Variants in TMPRSS2 observed in about 807,000 individuals in gnomAD.
TMPRSS2 encodes the protein transmembrane protease serine 2.
TMPRSS2 carries 59 observed loss-of-function variants against 67.4 expected under a neutral mutation model. The ratio of observed to expected loss-of-function variants is 0.88; its 90% confidence interval spans 0.71 to 1.09. The LOEUF (loss-of-function observed/expected upper bound fraction) is 1.09. Among genes scored for constraint, TMPRSS2 ranks in the 50% least tolerant of loss-of-function variants. The probability of loss-of-function intolerance (pLI) is 0.00; values close to 1 mark genes in which losing one functional copy is unlikely to be tolerated. For missense variants in TMPRSS2, 668 were observed against 642.7 expected, an observed-to-expected ratio of 1.04 and a Z score of -0.43; for synonymous variants, 257 against 257.0, an observed-to-expected ratio of 1.00 and a Z score of 0.00.
At chr21:41,486,706 G>A (rs1368316975) in intron 5 of TMPRSS2, 1 of 152,206 alleles carries the variant, frequency 6.6e-6, no homozygotes, top group South Asian at 2.1e-4. Flanking sequence ...CAGCTGGCAG[G>A]AGGGGGATGA....
chr21:41,472,078 A>G, intron 9 of TMPRSS2, 97 bp from the exon 10 acceptor site: 1 of 1,280,618 alleles, frequency 7.8e-7, no homozygotes, highest in East Asian at 2.4e-5. Flanking sequence ...AGACACCCAG[A>G]GGCAGGATGG....
chr21:41,473,060 G>A (rs561789442), intron 9 of TMPRSS2, among the ~76,000 whole-genome samples: 1 of 152,294 alleles, frequency 6.6e-6, no homozygotes, highest in East Asian at 1.9e-4. Context: ...ACAGTGGCTG[G>A]AAGGAACGCT....
intron 3 of TMPRSS2, among the ~76,000 whole-genome samples, chr21:41,490,720 C>T (rs903703393): frequency 1.3e-5 from 2 of 152,248 alleles, no homozygotes; most frequent in African/African-American, 4.8e-5. Flanking sequence ...AGAGGCATGG[C>T]AGAGTCAGAC....
chr21:41,476,664 T>C, intron 7 of TMPRSS2, 44 bp from the exon 8 acceptor site: 1 of 1,535,810 alleles, frequency 6.5e-7, no homozygotes, highest in Non-Finnish European at 9.0e-7. Flanking sequence ...TAGTGCGGAG[T>C]CACCTGCCTC....
Position 41,488,473 on chromosome 21 carries a change from G to A in TMPRSS2, c.366C>T (p.Ser122=), listed in dbSNP as rs781749195. The A allele has an allele frequency of 1.4e-5, 23 of 1,613,924 alleles. No homozygotes were observed. Among genetic ancestry groups the A allele is most frequent in the Non-Finnish European group, 1.7e-5 (20 of 1,179,892 alleles). Reference sequence around the variant, plus strand: ...TAGAGGGGTTGATGCAGGTACCTGAGGAGTCGCACTCTATCCCAGAGTTGG... The same window carrying A: ...TAGAGGGGTTGATGCAGGTACCTGAAGAGTCGCACTCTATCCCAGAGTTGG... ...KCSNSGIECD[S]SGTCINPSNW... The change falls in exon 5 of 14, where the codon TCC becomes TCT. Residue 122 remains serine, a synonymous_variant. Coordinates refer to ENST00000332149, the MANE Select transcript of TMPRSS2 (RefSeq NM_005656.4).
intron 2 of TMPRSS2, among the ~76,000 whole-genome samples, chr21:41,496,283 T>G (rs1452100930): frequency 6.6e-6 from 1 of 152,212 alleles, no homozygotes; most frequent in African/African-American, 2.4e-5. Flanking sequence ...AGTCTCTGTG[T>G]TATCCTGCAA....
intron 1 of TMPRSS2, among the ~76,000 whole-genome samples, chr21:41,504,801 G>C (rs1316570836): frequency 1.3e-5 from 2 of 152,092 alleles, no homozygotes; most frequent in Non-Finnish European, 2.9e-5. Context: ...GGCCAGGAGG[G>C]GCCCCACAAA....
chr21:41,505,012 C>T lies in TMPRSS2; in HGVS notation c.-57+3069G>A, dbSNP rs1048711302. ...GTGCAGAGCAGGAGGGACCAGAGAG[C>T]AGAAATGCACCTGGGCCTTCAATGC... On this transcript the variant is annotated intron_variant, in intron 1 of 13. Transcript: ENST00000332149. Among the ~76,000 whole-genome samples the T allele has an allele frequency of 6.6e-5, 10 of 151,842 alleles. No homozygotes were observed. The South Asian group carries it at 1.2e-3, about 19-fold the overall frequency.
At chr21:41,480,382 A>AATTGTCCCC (rs2091247541) in intron 6 of TMPRSS2, 94 bp downstream of exon 6, 2 of 1,552,520 alleles carry the variant, frequency 1.3e-6, no homozygotes, top group Non-Finnish European at 1.7e-6. Context: ...CCCAGCACTC[A>AATTGTCCCC]TGTGCCGGTG....
chr21:41,497,997 C>T (rs2146494342), intron 2 of TMPRSS2, 122 bp downstream of exon 2: 1 of 717,814 alleles, frequency 1.4e-6, no homozygotes, highest in Non-Finnish European at 2.4e-6. Context: ...TGAACAGCAT[C>T]AGCGTGGCCC....
In TMPRSS2 at chr21:41,478,812, G is replaced by C. The variant is rs543171759; in HGVS notation, c.683+360C>G. ...CCGGTCACCCTGGCTGGGACACTGAGACATTATCTTGGATTCCTAGAACCA... is the reference window on the plus strand; with the variant it reads ...CCGGTCACCCTGGCTGGGACACTGACACATTATCTTGGATTCCTAGAACCA... On this transcript the variant is annotated intron_variant, in intron 7 of 13. Coordinates refer to ENST00000332149, the MANE Select transcript of TMPRSS2 (RefSeq NM_005656.4). This position sits in a 1 kb window ranked among gnomAD's most constrained non-coding sequence, Gnocchi z 4.0. Among the ~76,000 whole-genome samples, 5 of 152,342 alleles carry C rather than the reference G, an allele frequency of 3.3e-5. No individual in the cohort carries two copies. The highest frequency in any genetic ancestry group is 1.2e-4 in the African/African-American group (5 of 41,580).
intron 1 of TMPRSS2, chr21:41,502,622 C>G (rs1483777916): frequency 2.0e-6 from 2 of 981,388 alleles, no homozygotes; most frequent in South Asian, 9.4e-5. Flanking sequence ...ATGTTCTATC[C>G]TCCTAAGGAT....
intron 1 of TMPRSS2, 48 bp downstream of exon 1, chr21:41,508,033 T>G: frequency 1.5e-6 from 2 of 1,310,020 alleles, no homozygotes; most frequent in South Asian, 4.2e-5. Context: ...CAGGTTCCCC[T>G]CCCCAGCCCG....
rs763475763 is a variant in TMPRSS2 at position 41,470,768 on chromosome 21, T to A, written c.1076-25A>T. On this transcript the variant is annotated intron_variant, in intron 10 of 13. Transcript: ENST00000332149. Reference sequence around the variant, plus strand: ...TCTGTTTCAAGAAGAGAAAACACAGTGAGCCAGGCGGGTATCACCTATGTC... The same window carrying A: ...TCTGTTTCAAGAAGAGAAAACACAGAGAGCCAGGCGGGTATCACCTATGTC... 3.1e-6 allele frequency: 5 copies of A among 1,610,926 alleles called. No homozygotes were observed. The Admixed American group carries it at 8.3e-5, about 27-fold the overall frequency.
At chr21:41,467,983 A>G (rs2091098866) in intron 12 of TMPRSS2, 97 bp from the exon 13 acceptor site, 2 of 1,385,642 alleles carry the variant, frequency 1.4e-6, no homozygotes, top group Admixed American at 1.8e-5. Flanking sequence ...CGGGGGTCGC[A>G]GTGTGAGTTA....
chr21:41,503,357 G>C (rs978694506), intron 1 of TMPRSS2, among the ~76,000 whole-genome samples: 1 of 152,200 alleles, frequency 6.6e-6, no homozygotes, highest in Non-Finnish European at 1.5e-5. Context: ...ACTGGCTGAG[G>C]CTTAAAGAAC....
At chr21:41,483,759 G>A (rs2091274919) in intron 5 of TMPRSS2, among the ~76,000 whole-genome samples, 1 of 136,020 alleles carries the variant, frequency 7.4e-6, no homozygotes, top group African/African-American at 2.7e-5. Flanking sequence ...AAGGTCTCAA[G>A]CTAGTCCTTT....
At chr21:41,477,879 C>T (rs1447712313) in intron 7 of TMPRSS2, among the ~76,000 whole-genome samples, 2 of 138,690 alleles carry the variant, frequency 1.4e-5, no homozygotes, top group Non-Finnish European at 3.2e-5. Context: ...AAGTGCGCCT[C>T]CCCCCACCAC....
intron 5 of TMPRSS2, among the ~76,000 whole-genome samples, chr21:41,485,784 C>T (rs2091293186): frequency 6.6e-6 from 1 of 152,188 alleles, no homozygotes; most frequent in Non-Finnish European, 1.5e-5. Flanking sequence ...GTTTAATCAG[C>T]AAATGCATCA....
Sources: gnomAD v4.1 joint callset for allele counts (sites outside exome capture counted in the v4.1 genomes callset) on GRCh38, gnomAD v4.1.1 for gene constraint, Gnocchi (gnomAD v3.1) non-coding constraint, MANE v1.5 for transcripts, NCBI Gene and HGNC (gene_info 2026-07-23, HGNC 2026-07-21) for gene names.